Variants in PAPSS2 observed in about 807,000 individuals in gnomAD.
The protein encoded by PAPSS2 is bifunctional 3'-phosphoadenosine 5'-phosphosulfate synthase 2.
In PAPSS2, 61 loss-of-function variants were observed where a neutral mutation model predicts 66.5. The ratio of observed to expected loss-of-function variants is 0.92; its 90% confidence interval spans 0.75 to 1.14. The LOEUF is 1.14. Ranked by LOEUF, PAPSS2 falls within the 50% of genes most tolerant of loss-of-function variation. PAPSS2 has a pLI of 0.00. For synonymous variants in PAPSS2, 289 were observed against 287.5 expected (o/e 1.01, Z -0.05); for missense variants, 708 against 789.6 (o/e 0.90, Z 1.24).
chr10:87,691,859 G>T (rs1853175444), intron 1 of PAPSS2, among the ~76,000 whole-genome samples: 1 of 152,156 alleles, frequency 6.6e-6, no homozygotes, highest in Non-Finnish European at 1.5e-5. Flanking sequence ...GGAAGGCTGA[G>T]GTGGGAAGAT....
At chr10:87,707,440 T>C (rs116487033) in intron 1 of PAPSS2, among the ~76,000 whole-genome samples, 122 of 152,294 alleles carry the variant, frequency 8.0e-4, no homozygotes, top group African/African-American at 2.9e-3. Context: ...GCCATTTGCA[T>C]GTTCATATCT....
At chr10:87,744,949 A>T in intron 11 of PAPSS2, 53 bp from the exon 12 acceptor site, 1 of 1,466,832 alleles carries the variant, frequency 6.8e-7, no homozygotes, top group Non-Finnish European at 9.5e-7. Context: ...ATAAACCATG[A>T]CCTACAGATT....
chr10:87,689,347 AAAAAAAAAC>A (rs1853134891), intron 1 of PAPSS2, among the ~76,000 whole-genome samples: 1 of 150,988 alleles, frequency 6.6e-6, no homozygotes, highest in African/African-American at 2.4e-5. Context: ...TCTCAAAAAA[AAAAAAAAAC>A]AAAAAAAACC....
At chr10:87,744,724 T>A (rs979228606) in intron 11 of PAPSS2, among the ~76,000 whole-genome samples, 13 of 152,118 alleles carry the variant, frequency 8.5e-5, no homozygotes, top group African/African-American at 3.1e-4. Flanking sequence ...AATAGTAAGA[T>A]TTGAGTGTTC....
intron 8 of PAPSS2, among the ~76,000 whole-genome samples, chr10:87,725,343 G>A (rs547321292): frequency 6.6e-6 from 1 of 152,230 alleles, no homozygotes; most frequent in South Asian, 2.1e-4. Flanking sequence ...TACCACATTC[G>A]ATGCCTTCTA....
intron 10 of PAPSS2, among the ~76,000 whole-genome samples, chr10:87,742,159 AT>A (rs1853878198): frequency 6.6e-6 from 1 of 152,250 alleles, no homozygotes; most frequent in Non-Finnish European, 1.5e-5. Context: ...TATTAGAACC[AT>A]ATATTAGAAC....
rs1250455866 is a variant in PAPSS2 at position 87,747,368 on chromosome 10, C to G, written c.*1398C>G. The G allele has an allele frequency of 6.6e-6, 1 of 152,074 alleles. No individual in the cohort carries two copies. Among genetic ancestry groups the G allele is most frequent in the African/African-American group, 2.4e-5 (1 of 41,420 alleles). The allele number at this position is 152,074 out of a possible 1,614,324, so 9.4% of individuals were successfully genotyped here. A position where few individuals can be genotyped will look rare whatever the true frequency, so the allele number is the denominator to read the frequency against. On this transcript the variant is annotated 3_prime_UTR_variant, in exon 13 of 13. Transcript: ENST00000456849. ...AGAGACCTAAATTAGAAAGAGAAAA[C>G]TGTGACAATTTTCATATTCTCATTC...
chr10:87,726,916 T>A (rs1853666283), intron 8 of PAPSS2, among the ~76,000 whole-genome samples: 2 of 152,248 alleles, frequency 1.3e-5, no homozygotes, highest in African/African-American at 4.8e-5. Flanking sequence ...TTTGTTTTGC[T>A]AGCTTAATTT....
Position 87,714,733 on chromosome 10 carries a change from T to C in PAPSS2, c.521-12T>C. 1.4e-6 allele frequency: 2 copies of C among 1,427,690 alleles called. No individual in the cohort carries two copies. Among genetic ancestry groups the C allele is most frequent in the Non-Finnish European group, 2.0e-6 (2 of 1,009,876 alleles). 88.4% of individuals were successfully genotyped at this position (1,427,690 alleles called of 1,614,324 possible). On this transcript the variant is annotated splice_polypyrimidine_tract_variant and intron_variant, in intron 4 of 12. Transcript: ENST00000456849. ...ATACAGATGCGATGATTGTCACCCA[T>C]ATGCTTTGCAGGATTTACAGGTATT...
At chr10:87,736,967 C>G (rs893164420) in intron 9 of PAPSS2, among the ~76,000 whole-genome samples, 1 of 152,124 alleles carries the variant, frequency 6.6e-6, no homozygotes, top group African/African-American at 2.4e-5. Flanking sequence ...CTGCTTGGCC[C>G]GCCCTCAGAA....
At chr10:87,687,091 C>T (rs1425153810) in intron 1 of PAPSS2, among the ~76,000 whole-genome samples, 1 of 152,144 alleles carries the variant, frequency 6.6e-6, no homozygotes, top group Non-Finnish European at 1.5e-5. Context: ...AATATATTTT[C>T]AGCACAATTT....
At chr10:87,723,991 A>G (rs948340701) in intron 8 of PAPSS2, among the ~76,000 whole-genome samples, 1 of 151,784 alleles carries the variant, frequency 6.6e-6, no homozygotes, top group African/African-American at 2.4e-5. Context: ...GAACTTGAGA[A>G]CTCTCACAAA....
At chr10:87,693,587 G>A (rs1379683867) in intron 1 of PAPSS2, among the ~76,000 whole-genome samples, 1 of 152,206 alleles carries the variant, frequency 6.6e-6, no homozygotes, top group East Asian at 1.9e-4. Context: ...AGAGCATGTG[G>A]CGCGTTTGAC....
intron 1 of PAPSS2, among the ~76,000 whole-genome samples, chr10:87,665,968 C>CTTT (rs11414496): frequency 7.1e-6 from 1 of 140,742 alleles, no homozygotes. Flanking sequence ...ATTTTTTTTT[C>CTTT]TTTTTTTTTT....
intron 1 of PAPSS2, among the ~76,000 whole-genome samples, chr10:87,689,691 A>G (rs1375125968): frequency 6.6e-6 from 1 of 151,486 alleles, no homozygotes; most frequent in African/African-American, 2.4e-5. Context: ...AAGAAAAAAA[A>G]AAAGAACTGG....
At chr10:87,674,679 G>C (rs545926160) in intron 1 of PAPSS2, among the ~76,000 whole-genome samples, 1 of 151,968 alleles carries the variant, frequency 6.6e-6, no homozygotes, top group Non-Finnish European at 1.5e-5. Flanking sequence ...ATCTATAAAA[G>C]AGTTATAAAA....
intron 9 of PAPSS2, among the ~76,000 whole-genome samples, chr10:87,734,532 A>G (rs2131725077): frequency 6.6e-6 from 1 of 150,646 alleles, no homozygotes; most frequent in African/African-American, 2.4e-5. Context: ...GTGCACTTGA[A>G]CTCTGCCACT....
Position 87,721,919 on chromosome 10 carries a change from A to T in PAPSS2, c.880+149A>T, listed in dbSNP as rs1439947051. ...ATGATCCAACCAGCTATAGTAGAAT[A>T]ACACTGTATTTTTCTTTAGACTGGA... On this transcript the variant is annotated intron_variant, in intron 8 of 12. Coordinates refer to ENST00000456849, the MANE Select transcript of PAPSS2 (RefSeq NM_001015880.2). The T allele has an allele frequency of 1.8e-5, 10 of 563,492 alleles. No homozygotes were observed. In the East Asian group the frequency reaches 2.1e-4, roughly 12 times the overall value. The allele number at this position is 563,492 out of a possible 1,614,324, so 34.9% of individuals were successfully genotyped here.
chr10:87,689,158 T>C (rs1853131339), intron 1 of PAPSS2, among the ~76,000 whole-genome samples: 1 of 150,240 alleles, frequency 6.7e-6, no homozygotes, highest in Non-Finnish European at 1.5e-5. Context: ...CTGACCAACA[T>C]GGAGAAACCC....
Sources: gnomAD v4.1 joint callset for allele counts (sites outside exome capture counted in the v4.1 genomes callset) on GRCh38, gnomAD v4.1.1 for gene constraint, MANE v1.5 for transcripts, NCBI Gene and HGNC (gene_info 2026-07-23, HGNC 2026-07-21) for gene names.